MGMT: variants seen among roughly 807,000 people sequenced by gnomAD.
The protein encoded by MGMT is O-6-methylguanine-DNA methyltransferase.
Under a neutral mutation model 15.9 loss-of-function variants are expected in MGMT, and 14 were observed. The ratio of observed to expected loss-of-function variants is 0.88; its 90% CI spans 0.58 to 1.37. MGMT has a LOEUF of 1.37. Ranked by LOEUF, MGMT falls within the 40% of genes most tolerant of loss-of-function variation. The probability of loss-of-function intolerance (pLI) is 0.00; values close to 1 mark genes in which losing one functional copy is unlikely to be tolerated. For synonymous variants in MGMT, 130 were observed against 118.2 expected, an observed-to-expected ratio of 1.10 and a Z score of -0.65; for missense variants, 282 against 268.1, an observed-to-expected ratio of 1.05 and a Z score of -0.36.
intron 2 of MGMT, among the ~76,000 whole-genome samples, chr10:129,576,410 T>C (rs529386241): frequency 8.5e-5 from 13 of 152,328 alleles, no homozygotes; most frequent in African/African-American, 2.2e-4. Flanking sequence ...TAATCCAGCA[T>C]GTAAACAGAA....
intron 1 of MGMT, among the ~76,000 whole-genome samples, chr10:129,496,681 C>G (rs983196176): frequency 2.8e-4 from 43 of 152,016 alleles, no homozygotes; most frequent in African/African-American, 1.0e-3. Context: ...GCTAGCTGTC[C>G]CGTGCTCTAG....
intron 2 of MGMT, among the ~76,000 whole-genome samples, chr10:129,585,934 C>T (rs970488508): frequency 1.3e-5 from 2 of 152,144 alleles, no homozygotes; most frequent in Non-Finnish European, 2.9e-5. Context: ...ATGTGGGTGA[C>T]TTGAACACAA....
At chr10:129,613,957 A>G (rs1229763532) in intron 2 of MGMT, among the ~76,000 whole-genome samples, 3 of 152,214 alleles carry the variant, frequency 2.0e-5, no homozygotes, top group East Asian at 1.9e-4. Context: ...TAAAATATAC[A>G]TAAAATTTCC....
intron 2 of MGMT, among the ~76,000 whole-genome samples, chr10:129,601,796 G>A (rs1348591252): frequency 2.6e-5 from 4 of 152,216 alleles, no homozygotes; most frequent in Admixed American, 6.5e-5. Context: ...AGAAGTGCTG[G>A]TGGGCGTGCA....
intron 2 of MGMT, among the ~76,000 whole-genome samples, chr10:129,542,149 G>C (rs925368567): frequency 7.2e-5 from 11 of 152,164 alleles, no homozygotes; most frequent in African/African-American, 2.4e-4. Flanking sequence ...GCTTCCCGAA[G>C]GGCAGCTGCA....
chr10:129,739,099 C>G (rs1323350521), intron 3 of MGMT, among the ~76,000 whole-genome samples: 1 of 152,218 alleles, frequency 6.6e-6, no homozygotes, highest in African/African-American at 2.4e-5. Context: ...CAACAAAATT[C>G]AGCAGCGCTT....
intron 2 of MGMT, among the ~76,000 whole-genome samples, chr10:129,626,262 C>A (rs77938752): frequency 0.039 from 5,878 of 152,262 alleles, 145 homozygotes; most frequent in Non-Finnish European, 0.057. Flanking sequence ...GGTGATCAGT[C>A]CCCACCCACC....
intron 3 of MGMT, among the ~76,000 whole-genome samples, chr10:129,735,418 A>AT (rs1485014846): frequency 2.0e-5 from 3 of 152,176 alleles, no homozygotes; most frequent in South Asian, 4.2e-4. Flanking sequence ...CCCCTTTATC[A>AT]TTTTTTATTG....
At chr10:129,756,658 TG>T (rs1848810693) in intron 3 of MGMT, among the ~76,000 whole-genome samples, 1 of 152,078 alleles carries the variant, frequency 6.6e-6, no homozygotes, top group South Asian at 2.1e-4. Flanking sequence ...TTAGTAGAGA[TG>T]GGGTTTCACC....
At chr10:129,517,267 G>A (rs373760750) in intron 1 of MGMT, among the ~76,000 whole-genome samples, 78 of 152,320 alleles carry the variant, frequency 5.1e-4, no homozygotes, top group African/African-American at 1.8e-3. Flanking sequence ...CAGAGGGCAC[G>A]GGCCCCCTTA....
rs1845943800 is a variant in MGMT, at chr10:129,532,558, G to C, written c.-12-3683G>C. 6.6e-6 allele frequency among the ~76,000 whole-genome samples: 1 copy of C among 152,032 alleles called. No individual in the cohort carries two copies. The highest frequency in any genetic ancestry group is 1.5e-5 in the Non-Finnish European group (1 of 68,014). On this transcript the variant is annotated intron_variant, in intron 1 of 4. Coordinates refer to ENST00000651593, the MANE Select transcript of MGMT (RefSeq NM_002412.5). This position sits in a 1 kb window ranked among gnomAD's most constrained non-coding sequence, Gnocchi z 5.3. ...CCCCATCCCCCATGCCCCTACTTCA[G>C]CTTGCTGGGATTCACCCCCAGTGGC...
intron 3 of MGMT, among the ~76,000 whole-genome samples, chr10:129,711,097 C>G (rs1436236796): frequency 6.6e-6 from 1 of 152,044 alleles, no homozygotes; most frequent in East Asian, 1.9e-4. Context: ...AGTACCAAGC[C>G]CTCATCCCTT....
chr10:129,518,281 T>A (rs1405290631), intron 1 of MGMT, among the ~76,000 whole-genome samples: 1 of 150,634 alleles, frequency 6.6e-6, no homozygotes, highest in East Asian at 2.0e-4. Context: ...TGAAAAAACT[T>A]TATAAATCTT....
At chr10:129,526,813 A>G (rs1307736175) in intron 1 of MGMT, among the ~76,000 whole-genome samples, 1 of 152,214 alleles carries the variant, frequency 6.6e-6, no homozygotes, top group Non-Finnish European at 1.5e-5. Flanking sequence ...CCAGTAGGGG[A>G]AAAAGAAGAG....
At chr10:129,707,802 T>C in intron 2 of MGMT, 93 bp from the exon 3 acceptor site, 3 of 1,528,876 alleles carry the variant, frequency 2.0e-6, no homozygotes, top group Non-Finnish European at 2.7e-6. Context: ...CAGCCACAGG[T>C]GTTTGCCCGT....
At chr10:129,646,783 G>C (rs1456826968) in intron 2 of MGMT, among the ~76,000 whole-genome samples, 2 of 123,268 alleles carry the variant, frequency 1.6e-5, no homozygotes, top group African/African-American at 5.8e-5. Context: ...GAACAGTGGA[G>C]AAGTAGATGC....
chr10:129,765,119 C>T (rs935929574), intron 4 of MGMT, among the ~76,000 whole-genome samples: 9 of 152,076 alleles, frequency 5.9e-5, no homozygotes, highest in African/African-American at 9.7e-5. Context: ...ATGCTTTGCA[C>T]GATGATGAGG....
At chr10:129,711,622 A>G (rs1317728681) in intron 3 of MGMT, among the ~76,000 whole-genome samples, 2 of 152,188 alleles carry the variant, frequency 1.3e-5, no homozygotes, top group African/African-American at 2.4e-5. Flanking sequence ...AAAATTAGTC[A>G]AAGTTTTCTT....
chr10:129,557,316 T>C (rs1301563837), intron 2 of MGMT, among the ~76,000 whole-genome samples: 3 of 152,210 alleles, frequency 2.0e-5, no homozygotes, highest in Admixed American at 1.3e-4. Context: ...GCTTTTTCTT[T>C]GACATCTTCC....
Sources: allele counts gnomAD v4.1 joint callset (sites outside exome capture counted in the v4.1 genomes callset), GRCh38; gene constraint gnomAD v4.1.1; non-coding constraint Gnocchi (gnomAD v3.1); transcripts MANE v1.5; gene names NCBI Gene and HGNC (gene_info 2026-07-23, HGNC 2026-07-21).